PRKCB: variants seen among roughly 807,000 people sequenced by gnomAD.
PRKCB encodes the protein protein kinase C beta type.
In PRKCB, 13 loss-of-function variants were observed where a neutral mutation model predicts 81.5. The ratio of observed to expected loss-of-function variants is 0.16; its 90% CI spans 0.10 to 0.25. The LOEUF is 0.25. Among genes scored for constraint, PRKCB ranks in the 10% least tolerant of loss-of-function variants. PRKCB has a pLI of 1.00. For synonymous variants in PRKCB, 335 were observed against 321.4 expected, an observed-to-expected ratio of 1.04 and a Z score of -0.45; for missense variants, 509 against 875.7, an observed-to-expected ratio of 0.58 and a Z score of 5.29.
intron 9 of PRKCB, among the ~76,000 whole-genome samples, chr16:24,131,774 A>G (rs1280060613): frequency 2.0e-5 from 3 of 152,228 alleles, no homozygotes; most frequent in Admixed American, 2.0e-4. Flanking sequence ...AGGAAAATAT[A>G]TTAAAAGAAG....
intron 9 of PRKCB, among the ~76,000 whole-genome samples, chr16:24,127,895 A>G (rs1966847242): frequency 6.6e-6 from 1 of 152,196 alleles, no homozygotes; most frequent in Non-Finnish European, 1.5e-5. Context: ...CAGGTTTTAT[A>G]TTTGAATTCC....
At chr16:24,029,195 A>C (rs1477765237) in intron 3 of PRKCB, among the ~76,000 whole-genome samples, 1 of 152,164 alleles carries the variant, frequency 6.6e-6, no homozygotes, top group African/African-American at 2.4e-5. Context: ...TTAGTTTTCA[A>C]ACATTTTAGC....
At position 24,032,170 on chromosome 16, in the gene PRKCB, C is replaced by T. The variant is rs778983154; in HGVS notation, c.323C>T (p.Thr108Met). ...AGCAAACACAAGTTTAAGATCCACA[C>T]GTACTCCAGCCCCACGTTTTGTGAC... ...PRSKHKFKIH[T>M]YSSPTFCDHC... The change falls in exon 4 of 17, where the codon ACG (threonine) becomes ATG (methionine). Residue 108 changes from threonine to methionine, a missense_variant. By Grantham distance (81) the Thr-to-Met change is moderately conservative. Around this residue, in one of 6 missense-constraint regions of PRKCB, gnomAD observed 184 missense variants for 362.9 expected, o/e 0.51. Coordinates refer to ENST00000643927, the MANE Select transcript of PRKCB (RefSeq NM_002738.7). The T allele has an allele frequency of 6.2e-7, 1 of 1,613,862 alleles. No individual in the cohort carries two copies. Among genetic ancestry groups the T allele is most frequent in the South Asian group, 1.1e-5 (1 of 91,034 alleles).
chr16:24,057,947 G>T (rs75826741), intron 5 of PRKCB, among the ~76,000 whole-genome samples: 1,627 of 152,212 alleles, frequency 0.011, 25 homozygotes, highest in African/African-American at 0.036. Context: ...ATGATTCCAA[G>T]CCTTCTCAGA....
chr16:24,106,107 AG>A (rs34113361), intron 7 of PRKCB, among the ~76,000 whole-genome samples: 101,604 of 150,490 alleles, frequency 0.68, 34,480 homozygotes, highest in Middle Eastern at 0.73. Flanking sequence ...ACAAAAAAAA[AG>A]CAAAAAACAA....
intron 5 of PRKCB, among the ~76,000 whole-genome samples, chr16:24,051,049 C>A (rs1965835147): frequency 6.6e-6 from 1 of 152,046 alleles, no homozygotes; most frequent in South Asian, 2.1e-4. Flanking sequence ...TGTTCTTGTG[C>A]CGAGTGTCTT....
chr16:23,904,359 A>G (rs1187201443), intron 2 of PRKCB, among the ~76,000 whole-genome samples: 1 of 152,140 alleles, frequency 6.6e-6, no homozygotes, highest in Non-Finnish European at 1.5e-5. Context: ...ATATGTCAGT[A>G]TTGGCTAAAA....
intron 9 of PRKCB, among the ~76,000 whole-genome samples, chr16:24,126,635 C>T (rs561589167): frequency 7.2e-5 from 11 of 152,190 alleles, no homozygotes; most frequent in East Asian, 3.9e-4. Context: ...GGCGCCATCT[C>T]GGCTCACTGC....
At chr16:24,092,373 A>C (rs1966386493) in intron 5 of PRKCB, among the ~76,000 whole-genome samples, 1 of 152,266 alleles carries the variant, frequency 6.6e-6, no homozygotes, top group Non-Finnish European at 1.5e-5. Flanking sequence ...CAACTGCTGA[A>C]TGGATAAACA....
chr16:24,079,306 C>T lies in PRKCB; in HGVS notation c.530-13485C>T, dbSNP rs182439250. On this transcript the variant is annotated intron_variant, in intron 5 of 16. Transcript: ENST00000643927. The stretch of plus-strand genomic sequence containing the variant: ...AAGCCTGTTTGGTGGTCTCTTCACA[C>T]GGACACACGTGACATTTGGCAGTGT... 2.2e-4 allele frequency among the ~76,000 whole-genome samples: 34 copies of T among 152,314 alleles called. No homozygotes were observed. The East Asian group carries it at 3.7e-3, about 16-fold the overall frequency.
chr16:24,021,044 T>TTCTTTATTTCTTTCTTTC (rs1965367279), intron 3 of PRKCB, among the ~76,000 whole-genome samples: 17 of 78,010 alleles, frequency 2.2e-4, no homozygotes, highest in African/African-American at 1.0e-3. Flanking sequence ...TTCTTTCTCT[T>TTCTTTATTTCTTTCTTTC]TCTTTCTTTC....
intron 2 of PRKCB, among the ~76,000 whole-genome samples, chr16:23,947,524 G>A (rs1316170900): frequency 6.6e-6 from 1 of 152,096 alleles, no homozygotes; most frequent in Non-Finnish European, 1.5e-5. Context: ...TTCTAGTTTA[G>A]GCATTCTGAA....
intron 2 of PRKCB, chr16:23,893,273 A>AGCCAATAAATTGGCCATGGC (rs1256000698): frequency 9.8e-5 from 15 of 152,304 alleles, no homozygotes; most frequent in Non-Finnish European, 1.9e-4. Context: ...CTGGACTTGG[A>AGCCAATAAATTGGCCATGGC]GCCAATAAAT....
chr16:24,077,583 C>T (rs1040647567), intron 5 of PRKCB, among the ~76,000 whole-genome samples: 7 of 152,198 alleles, frequency 4.6e-5, no homozygotes, highest in African/African-American at 1.4e-4. Context: ...ACTCAGCCAA[C>T]TCATCCATCC....
chr16:24,056,881 C>T lies in PRKCB; in HGVS notation c.529+21334C>T, dbSNP rs13331822. Among the ~76,000 whole-genome samples the T allele has an allele frequency of 7.7e-3, 1,173 of 152,266 alleles. 14 individuals are homozygous for T. The highest frequency in any genetic ancestry group is 0.026 in the African/African-American group (1,080 of 41,544). ...AGCCTCAGGTATTCCTTGAGAGCAA[C>T]GCAAACGGATGAACACAGCCTATTT... is the stretch of plus-strand genomic sequence containing the variant. On this transcript the variant is annotated intron_variant, in intron 5 of 16. Coordinates refer to ENST00000643927, the MANE Select transcript of PRKCB (RefSeq NM_002738.7).
At position 24,218,768 on chromosome 16, in the gene PRKCB, G is replaced by A; in HGVS notation, c.*3952G>A. On this transcript the variant is annotated 3_prime_UTR_variant, in exon 17 of 17. Transcript: ENST00000643927. ...GACCCCCTGGCCTTTATAATCTGAG[G>A]CAACTTTGGCTGCAGCCCGGGAATG... 2.0e-6 allele frequency: 2 copies of A among 985,378 alleles called. No individual in the cohort carries two copies. Among genetic ancestry groups the A allele is most frequent in the Non-Finnish European group, 2.4e-6 (2 of 829,946 alleles). 61.0% of individuals were successfully genotyped at this position (985,378 alleles called of 1,614,324 possible). A position where few individuals can be genotyped will look rare whatever the true frequency, so the allele number is the denominator to read the frequency against.
chr16:24,204,386 C>T (rs1171688055), intron 16 of PRKCB, among the ~76,000 whole-genome samples: 1 of 152,094 alleles, frequency 6.6e-6, no homozygotes, highest in Non-Finnish European at 1.5e-5. Context: ...GGCTCTGGAT[C>T]TTGGCTCTCC....
At chr16:23,881,060 A>G (rs1288386232) in intron 2 of PRKCB, among the ~76,000 whole-genome samples, 1 of 152,028 alleles carries the variant, frequency 6.6e-6, no homozygotes, top group Non-Finnish European at 1.5e-5. Context: ...ATTCCTAATT[A>G]TGTCCTGAGA....
At chr16:23,875,337 C>A (rs567057822) in intron 2 of PRKCB, among the ~76,000 whole-genome samples, 2 of 152,062 alleles carry the variant, frequency 1.3e-5, no homozygotes, top group East Asian at 3.9e-4. Context: ...CCATGCCCAG[C>A]CTCTCTGTGT....
Sources: gnomAD v4.1 joint callset for allele counts (sites outside exome capture counted in the v4.1 genomes callset) on GRCh38, gnomAD v4.1.1 for gene constraint, gnomAD v4.1.1 regional missense constraint, MANE v1.5 for transcripts, NCBI Gene and HGNC (gene_info 2026-07-23, HGNC 2026-07-21) for gene names.